The following BRF2 variants were observed in gnomAD, a reference collection of about 807,000 sequenced individuals.
The protein encoded by BRF2 is transcription factor IIIB 50 kDa subunit.
A neutral mutation model predicts 26.6 loss-of-function variants in BRF2; 17 were observed. The ratio of observed to expected loss-of-function variants is 0.64; its 90% confidence interval spans 0.44 to 0.96. The LOEUF (loss-of-function observed/expected upper bound fraction) is 0.96, where lower values mean the gene tolerates loss of function less well. BRF2 is among the 40% of genes least tolerant of loss of function. BRF2 has a pLI of 0.00. For missense variants in BRF2, 515 were observed against 537.0 expected (o/e 0.96, Z 0.40); for synonymous variants, 219 against 226.6 (o/e 0.97, Z 0.30).
chr8:37,846,761 C>T (rs1444412106), intron 3 of BRF2, 93 bp downstream of exon 3: 3 of 926,710 alleles, frequency 3.2e-6, no homozygotes, highest in South Asian at 3.2e-5. Flanking sequence ...GAGCAAGACT[C>T]CAAGAAAAAA....
Position 37,849,777 on chromosome 8 carries a change from C to G in BRF2, c.7G>C (p.Gly3Arg), listed in dbSNP as rs781726382. Residue 3 changes from glycine to arginine, a missense_variant, in exon 1 of 4, where the codon GGC becomes CGC. Coordinates refer to ENST00000220659, the MANE Select transcript of BRF2 (RefSeq NM_018310.4). ...CCGCAGTCCGGGCAGCGGCCTCTGC[C>G]TGGCATCTCACAACCGGCCCCAAAG... MP[G>R]RGRCPDCGST... 6 of 1,609,008 alleles carry G rather than the reference C, an allele frequency of 3.7e-6. No individual in the cohort carries two copies. In the East Asian group the frequency reaches 1.1e-4, roughly 30 times the overall value.
At position 37,846,937 on chromosome 8, in the gene BRF2, G is replaced by C; in HGVS notation, c.453C>G (p.Ser151Arg). 1 of 1,614,140 alleles carries C rather than the reference G, an allele frequency of 6.2e-7. No homozygotes were observed. The highest frequency in any genetic ancestry group is 8.5e-7 in the Non-Finnish European group (1 of 1,179,972). The change falls in exon 3 of 4, where the codon AGC becomes AGG. Residue 151 changes from serine (S) to arginine (R), a missense_variant. Physicochemically the swap from Ser to Arg is moderately radical, Grantham distance 110. Coordinates refer to ENST00000220659, the MANE Select transcript of BRF2 (RefSeq NM_018310.4). ...GGAGCTTCACTATCTGCATGTAAGTGCTAGAAAACACATCCAAATCTGCAT... is the reference window on the plus strand; with the variant it reads ...GGAGCTTCACTATCTGCATGTAAGTCCTAGAAAACACATCCAAATCTGCAT... The part of the protein sequence containing the change: ...LLYADLDVFS[S>R]TYMQIVKLLG...
chr8:37,848,095 A>G (rs549301251), intron 2 of BRF2, among the ~76,000 whole-genome samples: 1,754 of 150,604 alleles, frequency 0.012, 11 homozygotes, highest in Non-Finnish European at 0.018. Flanking sequence ...GACTACAGGC[A>G]CCCACCATCA....
Position 37,847,248 on chromosome 8 carries a change from GACTT to G in BRF2, c.215-77_215-74del. 5 of 1,356,970 alleles carry G rather than the reference GACTT, an allele frequency of 3.7e-6. No homozygotes were observed. The South Asian group carries it at 5.9e-5, about 16-fold the overall frequency. The allele number at this position is 1,356,970 out of a possible 1,614,324, so 84.1% of individuals were successfully genotyped here. ...TGCAACTCCTAGAAAATTCTGCTAG[GACTT>G]ACTTAGATCTGCTAAACTTGCCTCA... On this transcript the variant is annotated intron_variant, in intron 2 of 3. Coordinates refer to ENST00000220659, the MANE Select transcript of BRF2 (RefSeq NM_018310.4).
intron 3 of BRF2, chr8:37,845,837 T>C (rs1805946509): frequency 3.3e-6 from 2 of 599,824 alleles, no homozygotes; most frequent in Non-Finnish European, 5.9e-6. Flanking sequence ...AGCCCAGTTA[T>C]GTCATTAACT....
At chr8:37,847,932 TTATTATTA>T (rs1563359284) in intron 2 of BRF2, among the ~76,000 whole-genome samples, 16 of 147,152 alleles carry the variant, frequency 1.1e-4, no homozygotes, top group African/African-American at 3.6e-4. Context: ...TTTTCTTTTA[TTATTATTA>T]TTATTATTAT....
Position 37,847,052 on chromosome 8 carries a change from T to C in BRF2, c.338A>G (p.Lys113Arg). ...GCAGCACCCAACCAACACCTCCTTC[T>C]TTTGCAGCCTGGCCGCTCGGATGCC... ...HSGIRAARLQ[K>R]KEVLVGCCVL... The change falls in exon 3 of 4, where the codon AAG becomes AGG. Residue 113 changes from lysine (K) to arginine (R), a missense_variant. Physicochemically the swap from Lys to Arg is conservative, Grantham distance 26. Transcript: ENST00000220659. 1 of 1,614,206 alleles carries C rather than the reference T, an allele frequency of 6.2e-7. No homozygotes were observed. The highest frequency in any genetic ancestry group is 8.5e-7 in the Non-Finnish European group (1 of 1,180,022).
At chr8:37,845,759 G>A (rs1211754607) in intron 3 of BRF2, 1 of 669,398 alleles carries the variant, frequency 1.5e-6, no homozygotes, top group Non-Finnish European at 2.7e-6. Context: ...CTATGATGGT[G>A]CCACTGCACT....
chr8:37,846,941 G>A lies in BRF2; in HGVS notation c.449C>T (p.Ser150Phe), dbSNP rs773016559. The A allele has an allele frequency of 2.5e-6, 4 of 1,614,182 alleles. No homozygotes were observed. Among genetic ancestry groups the A allele is most frequent in the Non-Finnish European group, 1.7e-6 (2 of 1,180,010 alleles). Residue 150 changes from serine to phenylalanine, a missense_variant, in exon 3 of 4, where the codon TCT becomes TTT. Coordinates refer to ENST00000220659, the MANE Select transcript of BRF2 (RefSeq NM_018310.4). Reference sequence around the variant, plus strand: ...CTTCACTATCTGCATGTAAGTGCTAGAAAACACATCCAAATCTGCATACAA... The same window carrying A: ...CTTCACTATCTGCATGTAAGTGCTAAAAAACACATCCAAATCTGCATACAA... The part of the protein sequence containing the change: ...TLLYADLDVF[S>F]STYMQIVKLL...
At position 37,848,350 on chromosome 8, in the gene BRF2, G is replaced by A. The variant is rs184326717; in HGVS notation, c.214+246C>T. Among the ~76,000 whole-genome samples, 47 of 151,194 alleles carry A rather than the reference G, an allele frequency of 3.1e-4. No homozygotes were observed. The East Asian group carries it at 6.3e-3, about 20-fold the overall frequency. On this transcript the variant is annotated intron_variant, in intron 2 of 3. Transcript: ENST00000220659. ...CAACCTCCACCTCCCAGGTTCAAGC[G>A]ATTCTCCTGCCTCAGCCTGCCAAGT... is the stretch of plus-strand genomic sequence containing the variant.
Position 37,849,627 on chromosome 8 carries a change from T to C in BRF2, c.154+3A>G, listed in dbSNP as rs1442400141. 6.2e-7 allele frequency: 1 copy of C among 1,612,076 alleles called. No homozygotes were observed. Among genetic ancestry groups the C allele is most frequent in the Non-Finnish European group, 8.5e-7 (1 of 1,178,974 alleles). ...CCCAGGCTGTCCCCAGGGCCACAAG[T>C]ACCTCGGAGATTGCCCTCGTCGCTG... On this transcript the variant is annotated splice_donor_region_variant and intron_variant, in intron 1 of 3. Coordinates refer to ENST00000220659, the MANE Select transcript of BRF2 (RefSeq NM_018310.4).
chr8:37,848,537 G>A, intron 2 of BRF2, 59 bp downstream of exon 2: 2 of 1,512,028 alleles, frequency 1.3e-6, no homozygotes, highest in Non-Finnish European at 1.8e-6. Context: ...GTGAGCCACA[G>A]CACCTGGCCT....
At position 37,843,982 on chromosome 8, in the gene BRF2, G is replaced by A. The variant is rs1237748709; in HGVS notation, c.*508C>T. 6.4e-6 allele frequency: 1 copy of A among 156,440 alleles called. No individual in the cohort carries two copies. The highest frequency in any genetic ancestry group is 1.4e-5 in the Non-Finnish European group (1 of 70,320). The allele number at this position is 156,440 out of a possible 1,614,324, so 9.7% of individuals were successfully genotyped here. ...CAAAGCCCTTTGAGCTACTGCCTTA[G>A]TCTACCCACTGTCCTTTTGTTATGA... On this transcript the variant is annotated 3_prime_UTR_variant, in exon 4 of 4. Coordinates refer to ENST00000220659, the MANE Select transcript of BRF2 (RefSeq NM_018310.4).
Position 37,845,183 on chromosome 8 carries a change from CA to C in BRF2, c.566del (p.Val189GlyfsTer29). On this transcript the variant is annotated frameshift_variant, in exon 4 of 4. Transcript: ENST00000220659. LOFTEE classifies it low-confidence loss of function (END_TRUNC). The stretch of plus-strand genomic sequence containing the variant: ...CTTTGTCTTCCACGTATTTGGCTGG[CA>C]CAGAAGGTGAAGCTTGGAACAGTTT... ...SFKLFQASPS[V>X]PAKYVEDKEK... The C allele has an allele frequency of 6.2e-7, 1 of 1,612,218 alleles. No individual in the cohort carries two copies. The highest frequency in any genetic ancestry group is 8.5e-7 in the Non-Finnish European group (1 of 1,178,972).
chr8:37,844,218 C>T lies in BRF2; in HGVS notation c.*272G>A. ...CAGCAGCAAAGAGCCTGACATTTTC[C>T]CATCCATCTATGAGGAAAGCCATCT... On this transcript the variant is annotated 3_prime_UTR_variant, in exon 4 of 4. Transcript: ENST00000220659. 1 of 448,240 alleles carries T rather than the reference C, an allele frequency of 2.2e-6. No homozygotes were observed. Among genetic ancestry groups the T allele is most frequent in the Non-Finnish European group, 4.0e-6 (1 of 248,152 alleles). 27.8% of individuals were successfully genotyped at this position (448,240 alleles called of 1,614,324 possible). A position where few individuals can be genotyped will look rare whatever the true frequency, so the allele number is the denominator to read the frequency against.
chr8:37,844,448 C>A lies in BRF2; in HGVS notation c.*42G>T. ...TCCTTGGTTATAACAGGAATGTTAT[C>A]AAGCTGTCAGAACAGGATGAAGTGC... On this transcript the variant is annotated 3_prime_UTR_variant, in exon 4 of 4. Transcript: ENST00000220659. 2 of 1,592,414 alleles carry A rather than the reference C, an allele frequency of 1.3e-6. No individual in the cohort carries two copies. The highest frequency in any genetic ancestry group is 1.7e-5 in the Admixed American group (1 of 58,968).
chr8:37,846,952 C>T lies in BRF2; in HGVS notation c.438G>A (p.Leu146=), dbSNP rs1397567615. ...GAICTLLYAD[L]DVFSSTYMQI... Reference sequence around the variant, plus strand: ...GCATGTAAGTGCTAGAAAACACATCCAAATCTGCATACAACAGCGTGCAGA... The same window carrying T: ...GCATGTAAGTGCTAGAAAACACATCTAAATCTGCATACAACAGCGTGCAGA... The change falls in exon 3 of 4, where the codon TTG becomes TTA. Residue 146 remains leucine (L), a synonymous_variant. Coordinates refer to ENST00000220659, the MANE Select transcript of BRF2 (RefSeq NM_018310.4). 6.2e-7 allele frequency: 1 copy of T among 1,614,174 alleles called. No homozygotes were observed. Among genetic ancestry groups the T allele is most frequent in the East Asian group, 2.2e-5 (1 of 44,882 alleles).
Position 37,845,223 on chromosome 8 carries a change from C to T in BRF2, c.537-10G>A. ...TTGGAACAGTTTGAAGCTGAAATAA[C>T]CAAAATGAGGGTTGGATCTTAATGA... is the stretch of plus-strand genomic sequence containing the variant. On this transcript the variant is annotated splice_polypyrimidine_tract_variant and intron_variant, in intron 3 of 3. Transcript: ENST00000220659. 2 of 1,601,598 alleles carry T rather than the reference C, an allele frequency of 1.2e-6. No homozygotes were observed. Among genetic ancestry groups the T allele is most frequent in the South Asian group, 1.1e-5 (1 of 90,704 alleles).
In BRF2 at chr8:37,849,841, A is replaced by T; in HGVS notation, c.-58T>A. On this transcript the variant is annotated 5_prime_UTR_variant, in exon 1 of 4. Coordinates refer to ENST00000220659, the MANE Select transcript of BRF2 (RefSeq NM_018310.4). ...CAGAGACTCCTGGGTCTGCAACAGC[A>T]ACCGTGAGGCAGCAAGAAGTAGGAG... The T allele has an allele frequency of 6.6e-7, 1 of 1,513,512 alleles. No individual in the cohort carries two copies. Among genetic ancestry groups the T allele is most frequent in the Non-Finnish European group, 8.9e-7 (1 of 1,127,282 alleles). 93.8% of individuals were successfully genotyped at this position (1,513,512 alleles called of 1,614,324 possible). A position where few individuals can be genotyped will look rare whatever the true frequency, so the allele number is the denominator to read the frequency against.
Sources: allele counts gnomAD v4.1 joint callset (sites outside exome capture counted in the v4.1 genomes callset), GRCh38; gene constraint gnomAD v4.1.1; transcripts MANE v1.5; gene names NCBI Gene and HGNC (gene_info 2026-07-23, HGNC 2026-07-21).